Variants in KAT6A observed in about 807,000 individuals in gnomAD.
KAT6A encodes the protein lysine acetyltransferase 6A.
In KAT6A, 9 loss-of-function variants were observed where a neutral mutation model predicts 198.4. That is an observed-to-expected ratio of 0.05 (90% CI 0.03 to 0.08). The LOEUF (loss-of-function observed/expected upper bound fraction) is 0.08, where lower values mean the gene tolerates loss of function less well. Ranked by LOEUF, KAT6A falls within the 10% of genes least tolerant of loss-of-function variation. The probability of loss-of-function intolerance (pLI) is 1.00; values close to 1 mark genes in which losing one functional copy is unlikely to be tolerated. For missense variants in KAT6A, 2,077 were observed against 2,509.9 expected (o/e 0.83, Z 3.69); for synonymous variants, 890 against 883.0 (o/e 1.01, Z -0.14).
In KAT6A at chr8:41,964,026, C is replaced by T. The variant is rs192907330; in HGVS notation, c.1483-8615G>A. Among the ~76,000 whole-genome samples, 3 of 152,186 alleles carry T rather than the reference C, an allele frequency of 2.0e-5. No individual in the cohort carries two copies. In the East Asian group the frequency reaches 5.8e-4, roughly 29 times the overall value. On this transcript the variant is annotated intron_variant, in intron 8 of 16. Coordinates refer to ENST00000265713, the MANE Select transcript of KAT6A (RefSeq NM_006766.5). Reference sequence around the variant, plus strand: ...ACAAAGACTTAAAATTTTAGTTAACCACAATAACTAAAAATAGAACAATAA... The same window carrying T: ...ACAAAGACTTAAAATTTTAGTTAACTACAATAACTAAAAATAGAACAATAA...
intron 2 of KAT6A, among the ~76,000 whole-genome samples, chr8:41,989,931 T>A (rs1824844807): frequency 6.6e-6 from 1 of 152,180 alleles, no homozygotes; most frequent in Non-Finnish European, 1.5e-5. Context: ...CGGCTAGTTG[T>A]CTTAATAATT....
rs1046187361 is a variant in KAT6A at position 41,932,940 on chromosome 8, G to C, written c.5280C>G (p.Thr1760=). 1 of 1,614,028 alleles carries C rather than the reference G, an allele frequency of 6.2e-7. No individual in the cohort carries two copies. Among genetic ancestry groups the C allele is most frequent in the African/African-American group, 1.3e-5 (1 of 74,896 alleles). Residue 1760 remains threonine, a synonymous_variant, in exon 17 of 17, where the codon ACC becomes ACG. Transcript: ENST00000265713. Reference sequence around the variant, plus strand: ...TGGCATGAGGGTCCATAATGGTGTTGGTCAGCTGCTGCAGCTTGGCTAGGC... The same window carrying C: ...TGGCATGAGGGTCCATAATGGTGTTCGTCAGCTGCTGCAGCTTGGCTAGGC... ...TFSLAKLQQL[T]NTIMDPHAMP...
At chr8:41,958,913 A>G (rs1823054765) in intron 8 of KAT6A, among the ~76,000 whole-genome samples, 2 of 152,090 alleles carry the variant, frequency 1.3e-5, no homozygotes, top group Non-Finnish European at 2.9e-5. Context: ...TAATCCCAGC[A>G]CTCTGGGAGG....
In KAT6A at chr8:41,933,185, G is replaced by A; in HGVS notation, c.5035C>T (p.Pro1679Ser). 6.3e-7 allele frequency: 1 copy of A among 1,589,776 alleles called. No homozygotes were observed. ...APQPPPPQQQ[P>S]QQQPQPQPQQ... ...GGCTGAGGCTGCGGCTGCTGTTGCG[G>A]CTGCTGCTGGGGTGGTGGAGGCTGT... The change falls in exon 17 of 17, where the codon CCG becomes TCG. Residue 1679 changes from proline to serine, a missense_variant. Around this residue, in one of 13 missense-constraint regions of KAT6A, gnomAD observed 500 missense variants for 577.2 expected, o/e 0.87. Transcript: ENST00000265713. This position sits in a 1 kb window ranked among gnomAD's most constrained non-coding sequence, Gnocchi z 6.2.
rs931684696 is a variant in KAT6A at position 41,933,483 on chromosome 8, C to G, written c.4737G>C (p.Gly1579=). The change falls in exon 17 of 17, where the codon GGG becomes GGC. Residue 1579 remains glycine, a synonymous_variant. Transcript: ENST00000265713. This position sits in a 1 kb window ranked among gnomAD's most constrained non-coding sequence, Gnocchi z 6.2. The part of the protein sequence containing the change: ...YDSTMGGSIC[G]NSSSQSSCSY... ...AGCAGCTGCTCTGGGAAGAGCTGTT[C>G]CCACAGATGCTGCCGCCCATCGTGG... 9 of 1,613,406 alleles carry G rather than the reference C, an allele frequency of 5.6e-6. No homozygotes were observed. The highest frequency in any genetic ancestry group is 7.6e-6 in the Non-Finnish European group (9 of 1,179,564).
At chr8:42,038,534 C>G (rs1827486777) in intron 2 of KAT6A, among the ~76,000 whole-genome samples, 1 of 152,162 alleles carries the variant, frequency 6.6e-6, no homozygotes, top group Non-Finnish European at 1.5e-5. Flanking sequence ...AGCAGTACTA[C>G]AGCATAATGA....
rs773139891 is a variant in KAT6A at position 42,035,033 on chromosome 8, T to C, written c.600+13345A>G. Among the ~76,000 whole-genome samples the C allele has an allele frequency of 2.0e-4, 30 of 152,158 alleles. 1 individual carries two copies. The highest frequency in any genetic ancestry group is 3.1e-4 in the Non-Finnish European group (21 of 68,040). On this transcript the variant is annotated intron_variant, in intron 2 of 16. Coordinates refer to ENST00000265713, the MANE Select transcript of KAT6A (RefSeq NM_006766.5). Reference sequence around the variant, plus strand: ...GGCAATAATGTGGACTAGACGAAGATGATACTGGAGGAAGGAAAATCAATG... The same window carrying C: ...GGCAATAATGTGGACTAGACGAAGACGATACTGGAGGAAGGAAAATCAATG...
chr8:41,971,183 C>T (rs1353582256), intron 8 of KAT6A, among the ~76,000 whole-genome samples: 1 of 149,144 alleles, frequency 6.7e-6, no homozygotes, highest in Non-Finnish European at 1.5e-5. Flanking sequence ...ACGTAACAAA[C>T]CTGCACGTTG....
chr8:41,999,253 C>T (rs1330031799), intron 2 of KAT6A, among the ~76,000 whole-genome samples: 3 of 152,156 alleles, frequency 2.0e-5, no homozygotes, highest in Non-Finnish European at 4.4e-5. Flanking sequence ...AACTGCAAAG[C>T]GTTATCTTCC....
Position 41,934,859 on chromosome 8 carries a change from T to C in KAT6A, c.3361A>G (p.Ile1121Val), listed in dbSNP as rs534998448. The change falls in exon 17 of 17, where the codon ATC (isoleucine) becomes GTC (valine). Residue 1121 changes from isoleucine to valine, a missense_variant. This residue lies in a region of KAT6A where 375 missense variants were observed against 383.0 expected (regional missense o/e 0.98). Transcript: ENST00000265713. ...EESDDADDTP[I>V]LKPVSLLRKR... ...CGCAAAAGAGATACTGGCTTTAAGA[T>C]AGGAGTGTCTATACAGGAAGGAAAA... is the stretch of plus-strand genomic sequence containing the variant. The C allele has an allele frequency of 1.0e-5, 16 of 1,606,212 alleles. No individual in the cohort carries two copies. The highest frequency in any genetic ancestry group is 8.9e-5 in the East Asian group (4 of 44,858).
At chr8:42,041,637 G>A (rs899672978) in intron 2 of KAT6A, among the ~76,000 whole-genome samples, 2 of 151,886 alleles carry the variant, frequency 1.3e-5, no homozygotes, top group African/African-American at 4.8e-5. Flanking sequence ...AGCAGGAGGG[G>A]AGAGGCAGTA....
chr8:42,007,280 G>A (rs2150906195), intron 2 of KAT6A, among the ~76,000 whole-genome samples: 1 of 152,320 alleles, frequency 6.6e-6, no homozygotes, highest in African/African-American at 2.4e-5. Context: ...ATAGTCTGAT[G>A]AAAGGCTAGT....
At chr8:41,976,682 G>C (rs543315038) in intron 7 of KAT6A, among the ~76,000 whole-genome samples, 87 of 152,016 alleles carry the variant, frequency 5.7e-4, no homozygotes, top group Non-Finnish European at 1.0e-3. Context: ...TTCACCATAT[G>C]ATTTCTTTAG....
At chr8:42,006,748 C>A (rs895019910) in intron 2 of KAT6A, among the ~76,000 whole-genome samples, 3 of 152,106 alleles carry the variant, frequency 2.0e-5, no homozygotes, top group Non-Finnish European at 2.9e-5. Flanking sequence ...GTAATCCCAG[C>A]ACTTTAGGAG....
chr8:42,047,737 C>T (rs1784583237), intron 2 of KAT6A, among the ~76,000 whole-genome samples: 1 of 152,144 alleles, frequency 6.6e-6, no homozygotes, highest in South Asian at 2.1e-4. Context: ...GTTTAGGATA[C>T]TGTATTCCTG....
intron 15 of KAT6A, among the ~76,000 whole-genome samples, chr8:41,938,642 C>T (rs1424467338): frequency 6.6e-6 from 1 of 152,054 alleles, no homozygotes; most frequent in East Asian, 1.9e-4. Context: ...ATGACAACAA[C>T]AGTATATATG....
Position 41,946,661 on chromosome 8 carries a change from G to A in KAT6A, c.1926C>T (p.Tyr642=). 6.2e-7 allele frequency: 1 copy of A among 1,605,712 alleles called. No homozygotes were observed. The highest frequency in any genetic ancestry group is 2.2e-5 in the East Asian group (1 of 44,832). Residue 642 remains tyrosine, a synonymous_variant, in exon 12 of 17, where the codon TAC becomes TAT. Coordinates refer to ENST00000265713, the MANE Select transcript of KAT6A (RefSeq NM_006766.5). ...FSKEKHCQQK[Y]NVSCIMILPQ... ...GAAGAATCATTATACAGGAAACATT[G>A]TACTTCTGTTGGCAGTGCTTTTCCT...
intron 2 of KAT6A, among the ~76,000 whole-genome samples, chr8:42,000,580 A>C (rs1366850283): frequency 2.0e-5 from 3 of 152,168 alleles, no homozygotes; most frequent in Non-Finnish European, 4.4e-5. Flanking sequence ...AAAAGAAAAA[A>C]AAGTGATGTT....
chr8:42,017,216 C>T (rs569488422), intron 2 of KAT6A, among the ~76,000 whole-genome samples: 1 of 152,292 alleles, frequency 6.6e-6, no homozygotes, highest in African/African-American at 2.4e-5. Flanking sequence ...CGCACGTTGT[C>T]AGGTTGACAG....
Sources: allele counts gnomAD v4.1 joint callset (sites outside exome capture counted in the v4.1 genomes callset), GRCh38; gene constraint gnomAD v4.1.1; regional missense constraint gnomAD v4.1.1; non-coding constraint Gnocchi (gnomAD v3.1); transcripts MANE v1.5; gene names NCBI Gene and HGNC (gene_info 2026-07-23, HGNC 2026-07-21).